The following PALM2AKAP2 variants were observed in gnomAD, a reference collection of about 807,000 sequenced individuals.
PALM2AKAP2 encodes PALM2-AKAP2 fusion protein.
PALM2AKAP2 carries 37 observed loss-of-function variants against 71.5 expected under a neutral mutation model. The ratio of observed to expected loss-of-function variants is 0.52; its 90% CI spans 0.40 to 0.68. PALM2AKAP2 has a LOEUF of 0.68. PALM2AKAP2 is among the 30% of genes least tolerant of loss of function. The pLI, the probability that PALM2AKAP2 is intolerant of heterozygous loss-of-function variation, is 0.00. For missense variants in PALM2AKAP2, 1,224 were observed against 1,191.8 expected, an observed-to-expected ratio of 1.03 and a Z score of -0.40; for synonymous variants, 468 against 478.8, an observed-to-expected ratio of 0.98 and a Z score of 0.29.
At chr9:110,062,964 T>C (rs1833995213) in intron 1 of PALM2AKAP2, among the ~76,000 whole-genome samples, 1 of 152,202 alleles carries the variant, frequency 6.6e-6, no homozygotes, top group Admixed American at 6.5e-5. Context: ...ACCATGGCAA[T>C]GCAAATTGAT....
intron 1 of PALM2AKAP2, among the ~76,000 whole-genome samples, chr9:109,807,601 A>G (rs1350790069): frequency 2.7e-5 from 4 of 150,790 alleles, no homozygotes; most frequent in Non-Finnish European, 5.9e-5. Flanking sequence ...TATTATGAGC[A>G]TGTAATATAA....
intron 1 of PALM2AKAP2, among the ~76,000 whole-genome samples, chr9:109,852,781 A>G (rs1230561228): frequency 1.3e-5 from 2 of 152,110 alleles, no homozygotes; most frequent in African/African-American, 4.8e-5. Flanking sequence ...TCTCTGATGA[A>G]TAGTGGTGTA....
intron 1 of PALM2AKAP2, among the ~76,000 whole-genome samples, chr9:109,643,417 A>C (rs889080194): frequency 2.6e-5 from 4 of 152,234 alleles, no homozygotes; most frequent in African/African-American, 9.6e-5. Context: ...GGATAATCTA[A>C]TATTTGATAT....
intron 3 of PALM2AKAP2, among the ~76,000 whole-genome samples, chr9:109,890,083 C>A (rs1441750634): frequency 1.3e-5 from 2 of 152,220 alleles, no homozygotes; most frequent in African/African-American, 4.8e-5. Context: ...TCCAACCGTT[C>A]TACATTCTTG....
intron 1 of PALM2AKAP2, among the ~76,000 whole-genome samples, chr9:109,763,720 C>G (rs774696957): frequency 6.6e-6 from 1 of 152,124 alleles, no homozygotes; most frequent in Non-Finnish European, 1.5e-5. Context: ...CCTTGCTTCT[C>G]TCCTAGCTTC....
chr9:110,030,792 T>C (rs1443405373), intron 7 of PALM2AKAP2, among the ~76,000 whole-genome samples: 1 of 152,130 alleles, frequency 6.6e-6, no homozygotes, highest in Non-Finnish European at 1.5e-5. Context: ...ATCATGTAAA[T>C]TGTATGTAAA....
chr9:109,839,621 G>A (rs1450088014), intron 1 of PALM2AKAP2, among the ~76,000 whole-genome samples: 1 of 152,132 alleles, frequency 6.6e-6, no homozygotes, highest in Non-Finnish European at 1.5e-5. Context: ...TGACATGATT[G>A]TACATTTAGA....
chr9:110,046,270 A>G (rs1360095801), upstream of PALM2AKAP2, among the ~76,000 whole-genome samples: 3 of 152,278 alleles, frequency 2.0e-5, no homozygotes, highest in East Asian at 5.8e-4. Flanking sequence ...AATCATGGCT[A>G]CCTCTTTAAT....
intron 7 of PALM2AKAP2, among the ~76,000 whole-genome samples, chr9:110,042,574 C>T (rs1057261473): frequency 6.6e-6 from 1 of 152,178 alleles, no homozygotes; most frequent in Non-Finnish European, 1.5e-5. Context: ...ACTAGTTGAG[C>T]TAGAGTAAGC....
At chr9:109,835,019 C>T (rs1828418923) in intron 1 of PALM2AKAP2, among the ~76,000 whole-genome samples, 1 of 152,070 alleles carries the variant, frequency 6.6e-6, no homozygotes, top group African/African-American at 2.4e-5. Flanking sequence ...GGGGTCTGCA[C>T]TTAGATTCCT....
chr9:109,663,025 A>AT (rs571241323), intron 1 of PALM2AKAP2, among the ~76,000 whole-genome samples: 2 of 151,764 alleles, frequency 1.3e-5, no homozygotes, highest in South Asian at 2.1e-4. Context: ...CCCCTTTATC[A>AT]TTTTTTTATT....
intron 1 of PALM2AKAP2, among the ~76,000 whole-genome samples, chr9:109,850,271 G>C (rs1321992147): frequency 6.6e-6 from 1 of 152,142 alleles, no homozygotes; most frequent in African/African-American, 2.4e-5. Context: ...CTCATACCCA[G>C]GGATGAGCTT....
chr9:109,920,186 C>T (rs1221119717), intron 3 of PALM2AKAP2, among the ~76,000 whole-genome samples: 1 of 152,176 alleles, frequency 6.6e-6, no homozygotes, highest in East Asian at 1.9e-4. Context: ...TATCTGCTCA[C>T]ATCCTATTGG....
At chr9:110,130,981 T>C (rs541882040) in intron 1 of PALM2AKAP2, among the ~76,000 whole-genome samples, 74 of 152,246 alleles carry the variant, frequency 4.9e-4, no homozygotes, top group Admixed American at 2.7e-3. Context: ...GCTTCAGGGG[T>C]TCTTGGGAGT....
chr9:110,000,371 C>T (rs1267110364), intron 6 of PALM2AKAP2, among the ~76,000 whole-genome samples: 1 of 152,142 alleles, frequency 6.6e-6, no homozygotes, highest in Non-Finnish European at 1.5e-5. Flanking sequence ...TATAGTATTC[C>T]ATGGTGTATG....
rs115204424 is a variant in PALM2AKAP2 at position 109,830,397 on chromosome 9, G to A, written c.46-37094G>A. Reference sequence around the variant, plus strand: ...TGAGAGCAGGGGCGGGAGAGGTTCTGGTCCGTTCATCAAACCAGGGGCTGG... The same window carrying A: ...TGAGAGCAGGGGCGGGAGAGGTTCTAGTCCGTTCATCAAACCAGGGGCTGG... On this transcript the variant is annotated intron_variant, in intron 1 of 9. Coordinates refer to the PALM2AKAP2 transcript ENST00000302798. Among the ~76,000 whole-genome samples, 906 of 152,244 alleles carry A rather than the reference G, an allele frequency of 6.0e-3. 14 individuals are homozygous for A. The highest frequency in any genetic ancestry group is 0.021 in the African/African-American group (857 of 41,554).
At chr9:109,945,859 A>C (rs1831491843) in intron 6 of PALM2AKAP2, 1 of 152,228 alleles carries the variant, frequency 6.6e-6, no homozygotes, top group Admixed American at 6.5e-5. Context: ...ACAACACTAC[A>C]CACAAGAACT....
At chr9:110,159,913 G>T (rs1836554250) in intron 3 of PALM2AKAP2, among the ~76,000 whole-genome samples, 2 of 152,208 alleles carry the variant, frequency 1.3e-5, no homozygotes, top group Admixed American at 1.3e-4. Flanking sequence ...TTTGTTACTA[G>T]CTCAGAACTT....
chr9:110,041,937 C>G (rs1453871183), intron 7 of PALM2AKAP2, among the ~76,000 whole-genome samples: 2 of 152,152 alleles, frequency 1.3e-5, no homozygotes. Flanking sequence ...CCAATGTAAG[C>G]CAACTTGGAA....
Sources: gnomAD v4.1 joint callset for allele counts (sites outside exome capture counted in the v4.1 genomes callset) on GRCh38, gnomAD v4.1.1 for gene constraint, MANE v1.5 for transcripts, NCBI Gene and HGNC (gene_info 2026-07-23, HGNC 2026-07-21) for gene names.